CD96: variants seen among roughly 807,000 people sequenced by gnomAD.
CD96 encodes T-cell surface protein tactile.
Under a neutral mutation model 71.3 loss-of-function variants are expected in CD96, and 70 were observed. The ratio of observed to expected loss-of-function variants is 0.98; its 90% CI spans 0.81 to 1.20. CD96 has a LOEUF of 1.20. Among genes scored for constraint, CD96 ranks in the 50% most tolerant of loss-of-function variants. The probability of loss-of-function intolerance (pLI) is 0.00; values close to 1 mark genes in which losing one functional copy is unlikely to be tolerated. For missense variants in CD96, 742 were observed against 677.5 expected (o/e 1.10, Z -1.06); for synonymous variants, 248 against 233.0 (o/e 1.06, Z -0.59).
chr3:111,604,615 C>T (rs2107659891), intron 7 of CD96, among the ~76,000 whole-genome samples: 1 of 152,292 alleles, frequency 6.6e-6, no homozygotes, highest in Middle Eastern at 3.4e-3. Flanking sequence ...AGGCTGAACA[C>T]CTCAGCTTAC....
intron 12 of CD96, among the ~76,000 whole-genome samples, chr3:111,641,201 C>T (rs766922523): frequency 6.6e-6 from 1 of 152,170 alleles, no homozygotes; most frequent in African/African-American, 2.4e-5. Context: ...AGATACAGAA[C>T]AGCAGAATGG....
intron 12 of CD96, among the ~76,000 whole-genome samples, chr3:111,641,858 C>A (rs995581810): frequency 6.6e-6 from 1 of 152,126 alleles, no homozygotes. Context: ...TTCAAAACCA[C>A]GCAAATACAC....
At chr3:111,596,869 T>C (rs1412855331) in intron 5 of CD96, among the ~76,000 whole-genome samples, 1 of 152,222 alleles carries the variant, frequency 6.6e-6, no homozygotes, top group African/African-American at 2.4e-5. Context: ...ATGGGAATAC[T>C]GGGAGCTACG....
intron 2 of CD96, among the ~76,000 whole-genome samples, chr3:111,564,800 T>G (rs1269757202): frequency 6.6e-6 from 1 of 152,208 alleles, no homozygotes; most frequent in East Asian, 1.9e-4. Flanking sequence ...CCAGCCTAGC[T>G]TTTCTAGAGT....
chr3:111,632,768 A>T lies in CD96; in HGVS notation c.1322-4428A>T, dbSNP rs565114759. Among the ~76,000 whole-genome samples the T allele has an allele frequency of 2.0e-4, 31 of 152,358 alleles. No homozygotes were observed. The South Asian group carries it at 6.2e-3, about 31-fold the overall frequency. On this transcript the variant is annotated intron_variant, in intron 10 of 13. Transcript: ENST00000352690. Reference sequence around the variant, plus strand: ...GATAAAGAAAATGTAATACATATACACCATGCAATACTATACAGTCATAAA... The same window carrying T: ...GATAAAGAAAATGTAATACATATACTCCATGCAATACTATACAGTCATAAA...
downstream of CD96, among the ~76,000 whole-genome samples, chr3:111,656,702 T>C (rs1347743115): frequency 6.6e-6 from 1 of 152,030 alleles, no homozygotes; most frequent in Non-Finnish European, 1.5e-5. Context: ...AAAATCTCTA[T>C]CAACTGATAT....
intron 5 of CD96, among the ~76,000 whole-genome samples, chr3:111,588,955 T>C (rs1212185187): frequency 8.8e-6 from 1 of 113,392 alleles, no homozygotes; most frequent in African/African-American, 4.5e-5. Flanking sequence ...TTTTTTTTTC[T>C]TTTTTTTTTT....
intron 8 of CD96, among the ~76,000 whole-genome samples, chr3:111,620,090 C>T (rs1938445803): frequency 1.3e-5 from 2 of 152,218 alleles, no homozygotes; most frequent in Non-Finnish European, 2.9e-5. Flanking sequence ...TTTTGCATGG[C>T]TATGCCCTCT....
intron 4 of CD96, among the ~76,000 whole-genome samples, chr3:111,582,427 G>C (rs1936508944): frequency 6.6e-6 from 1 of 152,170 alleles, no homozygotes; most frequent in Non-Finnish European, 1.5e-5. Context: ...TACTGGCTCA[G>C]AGGCACTTAA....
At chr3:111,663,839 C>A (rs1038148916) in intron 14 of CD96, among the ~76,000 whole-genome samples, 2 of 151,720 alleles carry the variant, frequency 1.3e-5, no homozygotes, top group Non-Finnish European at 2.9e-5. Context: ...AGCTCCACCT[C>A]CCGGGTTCAC....
At chr3:111,555,744 C>A (rs1934974252) in intron 2 of CD96, among the ~76,000 whole-genome samples, 1 of 152,254 alleles carries the variant, frequency 6.6e-6, no homozygotes, top group African/African-American at 2.4e-5. Context: ...TTGTGTTTGT[C>A]CTATTCAGGT....
At chr3:111,612,318 T>TC (rs985242143) in intron 8 of CD96, among the ~76,000 whole-genome samples, 1 of 152,206 alleles carries the variant, frequency 6.6e-6, no homozygotes, top group African/African-American at 2.4e-5. Flanking sequence ...CAACAGAGGC[T>TC]CACCAGGATT....
At chr3:111,654,771 C>T (rs968215114), downstream of CD96, among the ~76,000 whole-genome samples, 1 of 152,224 alleles carries the variant, frequency 6.6e-6, no homozygotes, top group Non-Finnish European at 1.5e-5. Context: ...TTTTGTCAGA[C>T]TATACCCCAT....
At chr3:111,619,919 T>C (rs1938438272) in intron 8 of CD96, among the ~76,000 whole-genome samples, 1 of 152,228 alleles carries the variant, frequency 6.6e-6, no homozygotes, top group Non-Finnish European at 1.5e-5. Context: ...TTGTCTTGGA[T>C]ATGCACTTTG....
At chr3:111,609,738 C>G (rs1300882239) in intron 8 of CD96, among the ~76,000 whole-genome samples, 2 of 152,200 alleles carry the variant, frequency 1.3e-5, no homozygotes, top group African/African-American at 2.4e-5. Context: ...TACTATCACA[C>G]TAAGACGATG....
At chr3:111,603,166 G>C (rs908130528) in intron 7 of CD96, among the ~76,000 whole-genome samples, 4 of 152,180 alleles carry the variant, frequency 2.6e-5, no homozygotes, top group African/African-American at 7.2e-5. Context: ...CATGGACCAG[G>C]CACAGTGGCT....
At chr3:111,659,678 A>C (rs1445852141) in intron 14 of CD96, among the ~76,000 whole-genome samples, 1 of 152,242 alleles carries the variant, frequency 6.6e-6, no homozygotes, top group African/African-American at 2.4e-5. Flanking sequence ...TTAACATACC[A>C]TAATCAAGTA....
intron 4 of CD96, among the ~76,000 whole-genome samples, chr3:111,582,160 T>G (rs927161448): frequency 6.6e-6 from 1 of 152,224 alleles, no homozygotes; most frequent in Non-Finnish European, 1.5e-5. Flanking sequence ...CAATAAATCA[T>G]TATGCAAAGA....
In CD96 at chr3:111,598,165, A is replaced by G. The variant is rs770945585; in HGVS notation, c.853A>G (p.Ile285Val). ...AAAGAATGTATTTCCCAAAGCAAAT[A>G]TCACATGGTTTATAGATGGAAGTTT... ...LLKNVFPKAN[I>V]TWFIDGSFLH... Residue 285 changes from isoleucine (I) to valine (V), a missense_variant, in exon 6 of 14, where the codon ATC becomes GTC. Ile to Val is a conservative substitution (Grantham distance 29). Coordinates refer to ENST00000352690, the MANE Select transcript of CD96 (RefSeq NM_005816.5). 54 of 1,500,550 alleles carry G rather than the reference A, an allele frequency of 3.6e-5. No individual in the cohort carries two copies. The East Asian group carries it at 1.1e-3, about 31-fold the overall frequency. 93.0% of individuals were successfully genotyped at this position (1,500,550 alleles called of 1,614,324 possible).
Sources: allele counts gnomAD v4.1 joint callset (sites outside exome capture counted in the v4.1 genomes callset), GRCh38; gene constraint gnomAD v4.1.1; transcripts MANE v1.5; gene names NCBI Gene and HGNC (gene_info 2026-07-23, HGNC 2026-07-21).